Variants in PRKG1 observed in about 807,000 individuals in gnomAD.
The protein encoded by PRKG1 is protein kinase cGMP-dependent 1.
In PRKG1, 35 loss-of-function variants were observed where a neutral mutation model predicts 88.1. The observed-to-expected ratio is 0.40, with a 90% confidence interval of 0.30 to 0.53. PRKG1 has a LOEUF of 0.53. Among genes scored for constraint, PRKG1 ranks in the 20% least tolerant of loss-of-function variants. The probability of loss-of-function intolerance (pLI) is 0.59; values close to 1 mark genes in which losing one functional copy is unlikely to be tolerated. For synonymous variants in PRKG1, 303 were observed against 292.5 expected (o/e 1.04, Z -0.37); for missense variants, 540 against 839.8 (o/e 0.64, Z 4.41).
intron 2 of PRKG1, among the ~76,000 whole-genome samples, chr10:51,322,584 T>C (rs1841484582): frequency 1.3e-5 from 2 of 152,194 alleles, no homozygotes; most frequent in Non-Finnish European, 2.9e-5. Context: ...TTCACTAGCA[T>C]ACGTTCTAGC....
At chr10:51,897,367 G>A (rs564045989) in intron 4 of PRKG1, among the ~76,000 whole-genome samples, 1 of 152,264 alleles carries the variant, frequency 6.6e-6, no homozygotes, top group South Asian at 2.1e-4. Context: ...ATGAGAATCA[G>A]AAGGCTACTC....
chr10:52,015,781 G>A (rs1318684532), intron 5 of PRKG1, among the ~76,000 whole-genome samples: 1 of 152,136 alleles, frequency 6.6e-6, no homozygotes, highest in African/African-American at 2.4e-5. Context: ...TTGCTGCTTA[G>A]GAATCTCTTC....
chr10:51,312,804 G>A (rs1438228712), intron 2 of PRKG1, among the ~76,000 whole-genome samples: 1 of 151,988 alleles, frequency 6.6e-6, no homozygotes, highest in Non-Finnish European at 1.5e-5. Context: ...AAGTAGTGGG[G>A]TACACAATTT....
At chr10:51,277,624 C>G (rs878893034) in intron 2 of PRKG1, among the ~76,000 whole-genome samples, 1 of 151,914 alleles carries the variant, frequency 6.6e-6, no homozygotes, top group Non-Finnish European at 1.5e-5. Flanking sequence ...TGTTTGTGTC[C>G]TCTTTTATTG....
intron 4 of PRKG1, among the ~76,000 whole-genome samples, chr10:51,829,694 A>G (rs1418675121): frequency 6.6e-6 from 1 of 152,244 alleles, no homozygotes; most frequent in Non-Finnish European, 1.5e-5. Context: ...ATACATGTGT[A>G]TGCATGCACA....
intron 3 of PRKG1, among the ~76,000 whole-genome samples, chr10:51,518,720 T>A (rs931939534): frequency 1.3e-5 from 2 of 152,192 alleles, no homozygotes; most frequent in Non-Finnish European, 2.9e-5. Context: ...TTTGAAATGA[T>A]GGCAAATGGA....
At chr10:51,725,597 T>C (rs1037033366) in intron 3 of PRKG1, among the ~76,000 whole-genome samples, 1 of 151,654 alleles carries the variant, frequency 6.6e-6, no homozygotes, top group Non-Finnish European at 1.5e-5. Context: ...TTGGTGGATA[T>C]GGAATCATAG....
chr10:52,064,732 C>T (rs190295861), intron 7 of PRKG1, among the ~76,000 whole-genome samples: 38 of 152,278 alleles, frequency 2.5e-4, no homozygotes, highest in African/African-American at 8.7e-4. Flanking sequence ...CAGGGAGCTC[C>T]CATCCCAACT....
At chr10:52,118,083 A>C (rs1847730459) in intron 7 of PRKG1, among the ~76,000 whole-genome samples, 1 of 152,114 alleles carries the variant, frequency 6.6e-6, no homozygotes, top group African/African-American at 2.4e-5. Context: ...TAAGATTAAA[A>C]ATTACAAGAA....
chr10:52,206,762 C>T (rs1839830117), intron 9 of PRKG1, among the ~76,000 whole-genome samples: 1 of 152,186 alleles, frequency 6.6e-6, no homozygotes, highest in Non-Finnish European at 1.5e-5. Context: ...TATCCTGTCT[C>T]CCCTGGAGGT....
At chr10:51,689,100 T>G (rs1397499256) in intron 3 of PRKG1, among the ~76,000 whole-genome samples, 1 of 152,184 alleles carries the variant, frequency 6.6e-6, no homozygotes, top group Admixed American at 6.5e-5. Context: ...CTTGTGAGGC[T>G]TCCTCAGCCA....
chr10:51,628,152 CTTTCTTTCTTTATTTA>C (rs1564580129), intron 3 of PRKG1, among the ~76,000 whole-genome samples: 1 of 22,858 alleles, frequency 4.4e-5, no homozygotes, highest in African/African-American at 9.1e-5. Context: ...TTCTTTCTTT[CTTTCTTTCTTTATTTA>C]TTTCTTTTCT....
At chr10:52,048,657 A>G (rs1325420027) in intron 5 of PRKG1, among the ~76,000 whole-genome samples, 1 of 152,194 alleles carries the variant, frequency 6.6e-6, no homozygotes, top group East Asian at 1.9e-4. Context: ...AAAGGCACAC[A>G]ATATTAACTA....
At chr10:51,331,402 T>C (rs1414382704) in intron 2 of PRKG1, among the ~76,000 whole-genome samples, 2 of 152,090 alleles carry the variant, frequency 1.3e-5, no homozygotes, top group African/African-American at 2.4e-5. Context: ...TTCTAGAGGC[T>C]CAGTCTGTGA....
intron 2 of PRKG1, among the ~76,000 whole-genome samples, chr10:51,438,820 T>C (rs1306501790): frequency 6.6e-6 from 1 of 151,884 alleles, no homozygotes; most frequent in Non-Finnish European, 1.5e-5. Flanking sequence ...AAGGCCTACA[T>C]TGTTACAATC....
intron 1 of PRKG1, among the ~76,000 whole-genome samples, chr10:51,057,293 T>C (rs1843637447): frequency 6.6e-6 from 1 of 152,248 alleles, no homozygotes; most frequent in Non-Finnish European, 1.5e-5. Context: ...GATTGTGTAA[T>C]ATAAATGTTT....
intron 9 of PRKG1, among the ~76,000 whole-genome samples, chr10:52,179,202 T>A (rs1838946010): frequency 6.6e-6 from 1 of 152,174 alleles, no homozygotes; most frequent in East Asian, 1.9e-4. Flanking sequence ...GTGTTGCATG[T>A]TTTCATGATT....
intron 4 of PRKG1, among the ~76,000 whole-genome samples, chr10:51,848,082 C>T (rs1271401981): frequency 6.6e-6 from 1 of 151,972 alleles, no homozygotes; most frequent in Non-Finnish European, 1.5e-5. Flanking sequence ...TGCTAGGAAA[C>T]TCCCTAACAT....
At chr10:52,058,658 A>G (rs1222544330) in intron 6 of PRKG1, among the ~76,000 whole-genome samples, 1 of 152,042 alleles carries the variant, frequency 6.6e-6, no homozygotes, top group East Asian at 1.9e-4. Flanking sequence ...ACCTTACATA[A>G]AAATTAAATG....
Sources: gnomAD v4.1 joint callset for allele counts (sites outside exome capture counted in the v4.1 genomes callset) on GRCh38, gnomAD v4.1.1 for gene constraint, MANE v1.5 for transcripts, NCBI Gene and HGNC (gene_info 2026-07-23, HGNC 2026-07-21) for gene names.